The following PPP4R4 variants were observed in gnomAD, a reference collection of about 807,000 sequenced individuals.
PPP4R4 encodes the protein protein phosphatase 4 regulatory subunit 4.
A neutral mutation model predicts 121.8 loss-of-function variants in PPP4R4; 70 were observed. That is an observed-to-expected ratio of 0.57 (90% CI 0.47 to 0.70). The LOEUF (loss-of-function observed/expected upper bound fraction) is 0.70. Ranked by LOEUF, PPP4R4 falls within the 30% of genes least tolerant of loss-of-function variation. The pLI, the probability that PPP4R4 is intolerant of heterozygous loss-of-function variation, is 0.00. For missense variants in PPP4R4, 875 were observed against 1,033.6 expected, an observed-to-expected ratio of 0.85 and a Z score of 2.10; for synonymous variants, 348 against 355.7, an observed-to-expected ratio of 0.98 and a Z score of 0.24.
intron 14 of PPP4R4, among the ~76,000 whole-genome samples, chr14:94,248,542 A>C (rs927378265): frequency 6.6e-6 from 1 of 152,198 alleles, no homozygotes; most frequent in South Asian, 2.1e-4. Flanking sequence ...TTTTTCACAG[A>C]ATTAAAAAAA....
intron 12 of PPP4R4, 74 bp from the exon 13 acceptor site, chr14:94,245,513 G>A: frequency 8.0e-6 from 6 of 752,434 alleles, no homozygotes; most frequent in Non-Finnish European, 4.1e-6. Context: ...CTACTATATA[G>A]AAATTGACAT....
chr14:94,182,467 C>G (rs1889045176), intron 2 of PPP4R4, among the ~76,000 whole-genome samples: 2 of 152,176 alleles, frequency 1.3e-5, no homozygotes, highest in Non-Finnish European at 2.9e-5. Context: ...ACTCTACTGA[C>G]TTCTAACACT....
At chr14:94,209,397 T>C (rs1890624836) in intron 3 of PPP4R4, among the ~76,000 whole-genome samples, 1 of 152,024 alleles carries the variant, frequency 6.6e-6, no homozygotes, top group Non-Finnish European at 1.5e-5. Flanking sequence ...AATACTGAAG[T>C]TATTATTGAG....
At chr14:94,261,197 C>T (rs931862985) in intron 19 of PPP4R4, among the ~76,000 whole-genome samples, 5 of 152,060 alleles carry the variant, frequency 3.3e-5, no homozygotes, top group African/African-American at 4.8e-5. Flanking sequence ...AACTTTATAG[C>T]GTTCTTGAAA....
intron 2 of PPP4R4, among the ~76,000 whole-genome samples, chr14:94,184,026 G>A (rs1243829231): frequency 1.3e-5 from 2 of 152,106 alleles, no homozygotes; most frequent in African/African-American, 4.8e-5. Flanking sequence ...GTGTGTATAT[G>A]TTTATTTTCA....
intron 6 of PPP4R4, 90 bp from the exon 7 acceptor site, chr14:94,234,472 A>C: frequency 1.3e-6 from 1 of 751,390 alleles, no homozygotes; most frequent in Non-Finnish European, 2.2e-6. Flanking sequence ...TGTTATTATT[A>C]AGGTGAGTTA....
chr14:94,206,829 G>A (rs976249791), intron 2 of PPP4R4, among the ~76,000 whole-genome samples: 6 of 151,876 alleles, frequency 4.0e-5, no homozygotes, highest in African/African-American at 1.2e-4. Flanking sequence ...ACAAATTACC[G>A]CAAACCAGGT....
At chr14:94,184,652 T>G (rs1251748740) in intron 2 of PPP4R4, among the ~76,000 whole-genome samples, 1 of 152,202 alleles carries the variant, frequency 6.6e-6, no homozygotes, top group Non-Finnish European at 1.5e-5. Context: ...TTTGATATTT[T>G]GGGTATTATA....
In PPP4R4 at chr14:94,278,685, G is replaced by A; in HGVS notation, c.*42G>A. 1 of 1,531,392 alleles carries A rather than the reference G, an allele frequency of 6.5e-7. No individual in the cohort carries two copies. The highest frequency in any genetic ancestry group is 8.8e-7 in the Non-Finnish European group (1 of 1,133,414). 94.9% of individuals were successfully genotyped at this position (1,531,392 alleles called of 1,614,324 possible). A position where few individuals can be genotyped will look rare whatever the true frequency, so the allele number is the denominator to read the frequency against. Reference sequence around the variant, plus strand: ...AGGAGGCAAAACAAAGGCAGCAGGAGATAATGTGATTGGTACACAAAAGCT... The same window carrying A: ...AGGAGGCAAAACAAAGGCAGCAGGAAATAATGTGATTGGTACACAAAAGCT... On this transcript the variant is annotated 3_prime_UTR_variant, in exon 25 of 25. Coordinates refer to ENST00000304338, the MANE Select transcript of PPP4R4 (RefSeq NM_058237.2).
intron 24 of PPP4R4, among the ~76,000 whole-genome samples, chr14:94,276,903 T>C (rs1894672852): frequency 6.6e-6 from 1 of 152,196 alleles, no homozygotes; most frequent in Non-Finnish European, 1.5e-5. Context: ...AACATTGATA[T>C]TACAGGTTAA....
At chr14:94,270,808 C>T (rs1043125082) in intron 23 of PPP4R4, among the ~76,000 whole-genome samples, 2 of 151,646 alleles carry the variant, frequency 1.3e-5, no homozygotes, top group African/African-American at 2.4e-5. Flanking sequence ...GTCCCAGATA[C>T]TCGGGAGGCT....
chr14:94,262,237 T>C (rs1893824574), intron 19 of PPP4R4, among the ~76,000 whole-genome samples: 1 of 152,020 alleles, frequency 6.6e-6, no homozygotes, highest in African/African-American at 2.4e-5. Flanking sequence ...CATTAGATAA[T>C]GTAGATCTTC....
chr14:94,203,423 C>CTA (rs1187146947), intron 2 of PPP4R4, among the ~76,000 whole-genome samples: 1 of 151,930 alleles, frequency 6.6e-6, no homozygotes, highest in Non-Finnish European at 1.5e-5. Flanking sequence ...GTATGGTGTA[C>CTA]TACAGTTCAT....
rs191750940 is a variant in PPP4R4 at position 94,248,804 on chromosome 14, C to T, written c.1612-1368C>T. ...TTGGTTATTTGATTACCTTGAGCTACGTTTACTAATGTAAAGACAGGATGA... is the reference window on the plus strand; with the variant it reads ...TTGGTTATTTGATTACCTTGAGCTATGTTTACTAATGTAAAGACAGGATGA... On this transcript the variant is annotated intron_variant, in intron 14 of 24. Coordinates refer to ENST00000304338, the MANE Select transcript of PPP4R4 (RefSeq NM_058237.2). Among the ~76,000 whole-genome samples, 38 of 152,228 alleles carry T rather than the reference C, an allele frequency of 2.5e-4. 1 individual carries two copies. The highest frequency in any genetic ancestry group is 9.1e-4 in the African/African-American group (38 of 41,564).
intron 2 of PPP4R4, among the ~76,000 whole-genome samples, chr14:94,177,365 G>T (rs1370514592): frequency 6.6e-6 from 1 of 152,140 alleles, no homozygotes; most frequent in Admixed American, 6.5e-5. Flanking sequence ...TGTGTTTTGG[G>T]TGTTTACTTA....
At chr14:94,191,655 C>G (rs1485196553) in intron 2 of PPP4R4, among the ~76,000 whole-genome samples, 1 of 152,106 alleles carries the variant, frequency 6.6e-6, no homozygotes, top group African/African-American at 2.4e-5. Context: ...TTCTCTATAT[C>G]ATTGATGATA....
At chr14:94,250,553 ATT>A (rs1170958040) in intron 15 of PPP4R4, among the ~76,000 whole-genome samples, 15 of 152,114 alleles carry the variant, frequency 9.9e-5, no homozygotes, top group African/African-American at 3.4e-4. Flanking sequence ...ATGAAATAGC[ATT>A]TGGAACTAAA....
chr14:94,183,348 AT>A lies in PPP4R4; in HGVS notation c.191+7227del, dbSNP rs1889092300. Among the ~76,000 whole-genome samples, 6 of 152,288 alleles carry A rather than the reference AT, an allele frequency of 3.9e-5. No individual in the cohort carries two copies. In the South Asian group the frequency reaches 1.2e-3, roughly 32 times the overall value. On this transcript the variant is annotated intron_variant, in intron 2 of 24. Coordinates refer to ENST00000304338, the MANE Select transcript of PPP4R4 (RefSeq NM_058237.2). Reference sequence around the variant, plus strand: ...GGAAATTGCAGGCATCTTCATTTGTATTTTTTAGGACAGAGGGATCACTGTT... The same window carrying A: ...GGAAATTGCAGGCATCTTCATTTGTATTTTTAGGACAGAGGGATCACTGTT...
chr14:94,197,284 G>A (rs1390301849), intron 2 of PPP4R4, among the ~76,000 whole-genome samples: 1 of 152,028 alleles, frequency 6.6e-6, no homozygotes, highest in Non-Finnish European at 1.5e-5. Context: ...TTCATCAGCT[G>A]TTGGAGGATA....
Sources: gnomAD v4.1 joint callset for allele counts (sites outside exome capture counted in the v4.1 genomes callset) on GRCh38, gnomAD v4.1.1 for gene constraint, MANE v1.5 for transcripts, NCBI Gene and HGNC (gene_info 2026-07-23, HGNC 2026-07-21) for gene names.